R3HCC1L: variants seen among roughly 807,000 people sequenced by gnomAD.
R3HCC1L encodes the protein coiled-coil domain-containing protein R3HCC1L.
R3HCC1L carries 51 observed loss-of-function variants against 59.9 expected under a neutral mutation model. The observed-to-expected ratio is 0.85, with a 90% CI of 0.68 to 1.07. R3HCC1L has a LOEUF of 1.07. Ranked by LOEUF, R3HCC1L falls within the 50% of genes least tolerant of loss-of-function variation. The pLI is 0.00. For synonymous variants in R3HCC1L, 322 were observed against 315.2 expected, an observed-to-expected ratio of 1.02 and a Z score of -0.23; for missense variants, 965 against 933.0, an observed-to-expected ratio of 1.03 and a Z score of -0.45.
intron 1 of R3HCC1L, among the ~76,000 whole-genome samples, chr10:98,152,304 G>A (rs7903850): frequency 0.68 from 102,984 of 151,586 alleles, 35,189 homozygotes; most frequent in African/African-American, 0.76. Flanking sequence ...GGCTAGCTAC[G>A]ACCTCCACCT....
intron 1 of R3HCC1L, among the ~76,000 whole-genome samples, chr10:98,149,087 A>T (rs768798481): frequency 6.6e-6 from 1 of 152,040 alleles, no homozygotes; most frequent in Middle Eastern, 3.2e-3. Context: ...TCATGGTTCA[A>T]TCTTGATAGG....
intron 8 of R3HCC1L, 147 bp from the exon 9 acceptor site, chr10:98,235,877 G>T: frequency 1.1e-6 from 1 of 948,424 alleles, no homozygotes; most frequent in South Asian, 1.8e-5. Context: ...AATTTCCTCT[G>T]ATCATCATCT....
intron 4 of R3HCC1L, among the ~76,000 whole-genome samples, chr10:98,201,177 G>A (rs1218779056): frequency 1.3e-5 from 2 of 152,052 alleles, no homozygotes; most frequent in East Asian, 3.8e-4. Flanking sequence ...ATTTTAGGGG[G>A]GTTTACTTGT....
At chr10:98,202,739 C>A (rs1852193515) in intron 4 of R3HCC1L, among the ~76,000 whole-genome samples, 1 of 152,006 alleles carries the variant, frequency 6.6e-6, no homozygotes, top group African/African-American at 2.4e-5. Flanking sequence ...GTAGTCCCAG[C>A]TACTCACTTG....
chr10:98,225,376 G>A (rs1009626554), intron 5 of R3HCC1L, among the ~76,000 whole-genome samples: 7 of 151,988 alleles, frequency 4.6e-5, no homozygotes, highest in African/African-American at 1.7e-4. Context: ...TCCCTTTTAT[G>A]CCACAAATCC....
intron 4 of R3HCC1L, among the ~76,000 whole-genome samples, chr10:98,207,643 A>G (rs951357688): frequency 2.6e-5 from 4 of 152,076 alleles, no homozygotes; most frequent in Non-Finnish European, 4.4e-5. Flanking sequence ...CCAACATTCA[A>G]GTTACTCTCA....
intron 1 of R3HCC1L, among the ~76,000 whole-genome samples, chr10:98,139,873 G>T (rs1484451332): frequency 6.7e-6 from 1 of 150,196 alleles, no homozygotes; most frequent in African/African-American, 2.5e-5. Flanking sequence ...GCCAGATATA[G>T]CTGGATTGGG....
At chr10:98,173,722 C>T (rs1848738087) in intron 4 of R3HCC1L, among the ~76,000 whole-genome samples, 1 of 152,078 alleles carries the variant, frequency 6.6e-6, no homozygotes, top group Admixed American at 6.5e-5. Context: ...TTTTTTCCCC[C>T]TAACCACAGG....
intron 4 of R3HCC1L, among the ~76,000 whole-genome samples, chr10:98,188,138 C>T (rs1165772114): frequency 1.3e-5 from 2 of 152,130 alleles, no homozygotes; most frequent in African/African-American, 4.8e-5. Context: ...ATTGATACTG[C>T]TTTGTGCCAG....
At chr10:98,220,746 T>TGGCACATGGTGTATTCC (rs1206747672) in intron 5 of R3HCC1L, among the ~76,000 whole-genome samples, 2 of 152,018 alleles carry the variant, frequency 1.3e-5, no homozygotes, top group African/African-American at 2.4e-5. Context: ...CCATGGTGTA[T>TGGCACATGGTGTATTCC]ATGTGCCACA....
At chr10:98,186,531 T>C in intron 4 of R3HCC1L, 1 of 982,020 alleles carries the variant, frequency 1.0e-6, no homozygotes, top group Non-Finnish European at 1.2e-6. Flanking sequence ...CATTAGAGTG[T>C]TCAAGTCTTC....
At chr10:98,169,520 A>G (rs1441978756) in intron 4 of R3HCC1L, among the ~76,000 whole-genome samples, 1 of 152,232 alleles carries the variant, frequency 6.6e-6, no homozygotes, top group East Asian at 1.9e-4. Context: ...CTCTTCCTCT[A>G]CTACTACTAA....
chr10:98,213,751 C>T (rs1032852410), intron 5 of R3HCC1L, among the ~76,000 whole-genome samples: 2 of 152,052 alleles, frequency 1.3e-5, no homozygotes, highest in South Asian at 2.1e-4. Flanking sequence ...TTCCCTTGTA[C>T]CCCCTCACCT....
At chr10:98,196,550 A>G (rs1196580293) in intron 4 of R3HCC1L, among the ~76,000 whole-genome samples, 2 of 152,140 alleles carry the variant, frequency 1.3e-5, no homozygotes, top group African/African-American at 4.8e-5. Flanking sequence ...GTGTGCTACC[A>G]TGTCCAACTA....
intron 5 of R3HCC1L, among the ~76,000 whole-genome samples, chr10:98,225,507 T>C (rs1319820383): frequency 1.3e-5 from 2 of 152,242 alleles, no homozygotes; most frequent in African/African-American, 2.4e-5. Context: ...GAAATGTAAG[T>C]TGATCTCAAC....
intron 9 of R3HCC1L, among the ~76,000 whole-genome samples, chr10:98,242,782 T>C (rs1257602025): frequency 1.3e-5 from 2 of 152,244 alleles, no homozygotes; most frequent in Non-Finnish European, 2.9e-5. Flanking sequence ...CCATTGCCTT[T>C]AGATCTCCTC....
chr10:98,141,890 G>A (rs1845171900), intron 1 of R3HCC1L, among the ~76,000 whole-genome samples: 1 of 152,172 alleles, frequency 6.6e-6, no homozygotes, highest in Non-Finnish European at 1.5e-5. Flanking sequence ...CATGGGATCT[G>A]CTTCTCACAG....
intron 5 of R3HCC1L, among the ~76,000 whole-genome samples, chr10:98,210,864 C>T (rs911485068): frequency 7.2e-5 from 11 of 152,116 alleles, no homozygotes; most frequent in African/African-American, 2.2e-4. Context: ...GTCTTTTGTT[C>T]TGAGAATTAA....
intron 4 of R3HCC1L, among the ~76,000 whole-genome samples, chr10:98,193,386 T>A (rs1381614758): frequency 6.6e-6 from 1 of 151,382 alleles, no homozygotes; most frequent in African/African-American, 2.4e-5. Flanking sequence ...AAATAAAAAA[T>A]AAAAAAAACT....
Sources: gnomAD v4.1 joint callset for allele counts (sites outside exome capture counted in the v4.1 genomes callset) on GRCh38, gnomAD v4.1.1 for gene constraint, MANE v1.5 for transcripts, NCBI Gene and HGNC (gene_info 2026-07-23, HGNC 2026-07-21) for gene names.